Variants in FILIP1 observed in about 807,000 individuals in gnomAD.
The protein encoded by FILIP1 is filamin-A-interacting protein 1.
Under a neutral mutation model 102.1 loss-of-function variants are expected in FILIP1, and 61 were observed. The observed-to-expected ratio is 0.60, with a 90% confidence interval of 0.49 to 0.74. The LOEUF (loss-of-function observed/expected upper bound fraction) is 0.74. FILIP1 is among the 30% of genes least tolerant of loss of function. FILIP1 has a pLI of 0.00. For missense variants in FILIP1, 1,314 were observed against 1,441.2 expected (o/e 0.91, Z 1.43); for synonymous variants, 491 against 526.9 (o/e 0.93, Z 0.93).
At chr6:75,433,667 T>A (rs113049182) in intron 1 of FILIP1, among the ~76,000 whole-genome samples, 27 of 151,590 alleles carry the variant, frequency 1.8e-4, no homozygotes, top group Non-Finnish European at 3.5e-4. Flanking sequence ...GAAGCTCTTT[T>A]GCTGTGCAGA....
chr6:75,358,566 C>G (rs1775078088), intron 3 of FILIP1: 1 of 152,094 alleles, frequency 6.6e-6, no homozygotes, highest in Non-Finnish European at 1.5e-5. Context: ...ACTGCAACAT[C>G]TATTCAAAGT....
intron 4 of FILIP1, among the ~76,000 whole-genome samples, chr6:75,341,670 G>A (rs1387542440): frequency 6.6e-6 from 1 of 151,994 alleles, no homozygotes; most frequent in African/African-American, 2.4e-5. Context: ...AAAAACTACT[G>A]ATTTTTGCTT....
At chr6:75,372,621 AAAAGAAAG>A (rs760896137) in intron 2 of FILIP1, among the ~76,000 whole-genome samples, 1,530 of 42,232 alleles carry the variant, frequency 0.036, 57 homozygotes, top group Middle Eastern at 0.087. Flanking sequence ...GAAAGAAAGA[AAAAGAAAG>A]AAAGAAAGAA....
At chr6:75,402,279 G>A (rs552724642) in intron 2 of FILIP1, among the ~76,000 whole-genome samples, 3 of 152,046 alleles carry the variant, frequency 2.0e-5, no homozygotes, top group Non-Finnish European at 2.9e-5. Flanking sequence ...AATACTACTG[G>A]ACACATGAGA....
At chr6:75,303,549 T>G (rs1292060989), downstream of FILIP1, among the ~76,000 whole-genome samples, 1 of 152,132 alleles carries the variant, frequency 6.6e-6, no homozygotes, top group Admixed American at 6.5e-5. Flanking sequence ...GAGGTTTGTT[T>G]TCTGGAAAAA....
At chr6:75,489,143 G>A (rs1779883319) in intron 1 of FILIP1, among the ~76,000 whole-genome samples, 1 of 152,102 alleles carries the variant, frequency 6.6e-6, no homozygotes, top group Admixed American at 6.6e-5. Flanking sequence ...AGACACCCAA[G>A]CACTGTGTAT....
chr6:75,403,689 T>A (rs1045623136), intron 2 of FILIP1, among the ~76,000 whole-genome samples: 4 of 152,122 alleles, frequency 2.6e-5, no homozygotes, highest in African/African-American at 4.8e-5. Flanking sequence ...ACTGCCTGAT[T>A]AGATAGGAAT....
intron 1 of FILIP1, chr6:75,473,795 A>G (rs1194513116): frequency 1.3e-5 from 2 of 152,332 alleles, no homozygotes; most frequent in African/African-American, 4.8e-5. Flanking sequence ...TCAGTTTCCC[A>G]CATTTGGGGA....
intron 4 of FILIP1, among the ~76,000 whole-genome samples, chr6:75,327,761 C>T (rs1773921614): frequency 6.6e-6 from 1 of 151,430 alleles, no homozygotes. Context: ...TAAATGAAAA[C>T]ATGCTACTAT....
intron 4 of FILIP1, among the ~76,000 whole-genome samples, chr6:75,325,527 G>T (rs1398225040): frequency 6.6e-6 from 1 of 152,084 alleles, no homozygotes; most frequent in South Asian, 2.1e-4. Flanking sequence ...AATTTATAAG[G>T]AATTTAAATC....
In FILIP1 at chr6:75,420,848, A is replaced by G. The variant is rs186912798; in HGVS notation, c.-6-5870T>C. Among the ~76,000 whole-genome samples the G allele has an allele frequency of 6.6e-5, 10 of 152,308 alleles. No individual in the cohort carries two copies. The East Asian group carries it at 1.9e-3, about 29-fold the overall frequency. ...TATTGCCCCAAACATAATCTGTTTA[A>G]GGACATTTAATAAGACTTCTTCAAA... On this transcript the variant is annotated intron_variant, in intron 1 of 5. Coordinates refer to ENST00000237172, the MANE Select transcript of FILIP1 (RefSeq NM_015687.5).
At chr6:75,355,848 C>A (rs114828313) in intron 3 of FILIP1, among the ~76,000 whole-genome samples, 1,834 of 152,308 alleles carry the variant, frequency 0.012, 32 homozygotes, top group African/African-American at 0.041. Context: ...TTTCCCTATC[C>A]TACTCAGTAT....
At chr6:75,466,325 T>C (rs1380667214) in intron 1 of FILIP1, among the ~76,000 whole-genome samples, 1 of 152,236 alleles carries the variant, frequency 6.6e-6, no homozygotes, top group East Asian at 1.9e-4. Context: ...GGAAATAATC[T>C]TGGTCTGTTC....
rs769646664 is a variant in FILIP1 at position 75,312,999 on chromosome 6, A to T, written c.2833T>A (p.Leu945Ile). The T allele has an allele frequency of 1.9e-6, 3 of 1,614,110 alleles. No homozygotes were observed. The South Asian group carries it at 3.3e-5, about 18-fold the overall frequency. The change falls in exon 5 of 6, where the codon TTA (leucine) becomes ATA (isoleucine). Residue 945 changes from leucine to isoleucine, a missense_variant. Leu to Ile is a conservative substitution (Grantham distance 5). Around this residue, in one of 3 missense-constraint regions of FILIP1, gnomAD observed 816 missense variants for 913.1 expected, o/e 0.89. Coordinates refer to ENST00000237172, the MANE Select transcript of FILIP1 (RefSeq NM_015687.5). ...FFSSTTVIPT[L>I]GNQKPRITII... ...GTTATTCTTGGTTTCTGATTCCCTA[A>T]GGTAGGAATGACAGTGGTACTAGAA...
At chr6:75,340,204 T>C (rs1774375571) in intron 4 of FILIP1, among the ~76,000 whole-genome samples, 1 of 152,184 alleles carries the variant, frequency 6.6e-6, no homozygotes, top group Non-Finnish European at 1.5e-5. Context: ...ATGTATTTCA[T>C]AGTTTTATTT....
intron 2 of FILIP1, among the ~76,000 whole-genome samples, chr6:75,377,806 G>A (rs889383654): frequency 1.3e-5 from 2 of 152,144 alleles, no homozygotes; most frequent in African/African-American, 2.4e-5. Context: ...TTTGCCCTTC[G>A]CTAGAGAAAG....
chr6:75,373,204 T>G (rs1775633027), intron 2 of FILIP1, among the ~76,000 whole-genome samples: 1 of 152,206 alleles, frequency 6.6e-6, no homozygotes, highest in African/African-American at 2.4e-5. Context: ...TGCTGTATGA[T>G]TCCACTACAG....
At chr6:75,381,529 A>G (rs1353367547) in intron 2 of FILIP1, among the ~76,000 whole-genome samples, 1 of 151,564 alleles carries the variant, frequency 6.6e-6, no homozygotes. Context: ...TGTCTGGCCT[A>G]CAATTTTTTT....
At chr6:75,319,117 T>C in intron 4 of FILIP1, 1 of 731,824 alleles carries the variant, frequency 1.4e-6, no homozygotes, top group Non-Finnish European at 2.5e-6. Flanking sequence ...TTCCTTCTTT[T>C]TCTTGCTTTT....
Sources: allele counts gnomAD v4.1 joint callset (sites outside exome capture counted in the v4.1 genomes callset), GRCh38; gene constraint gnomAD v4.1.1; regional missense constraint gnomAD v4.1.1; transcripts MANE v1.5; gene names NCBI Gene and HGNC (gene_info 2026-07-23, HGNC 2026-07-21).